RAB3C: variants seen among roughly 807,000 people sequenced by gnomAD.
RAB3C encodes ras-related protein Rab-3C.
RAB3C carries 17 observed loss-of-function variants against 26.4 expected under a neutral mutation model. The observed-to-expected ratio is 0.64, with a 90% CI of 0.44 to 0.97. RAB3C has a LOEUF of 0.97. Among genes scored for constraint, RAB3C ranks in the 50% least tolerant of loss-of-function variants. The pLI is 0.00. For missense variants in RAB3C, 242 were observed against 281.9 expected, an observed-to-expected ratio of 0.86 and a Z score of 1.01; for synonymous variants, 91 against 95.9, an observed-to-expected ratio of 0.95 and a Z score of 0.30.
chr5:58,715,108 C>T (rs1749141218), intron 2 of RAB3C, among the ~76,000 whole-genome samples: 1 of 151,878 alleles, frequency 6.6e-6, no homozygotes, highest in African/African-American at 2.4e-5. Context: ...TAACAAGTAC[C>T]AGAGATTCAA....
chr5:58,789,749 A>C (rs1307709921), intron 3 of RAB3C, among the ~76,000 whole-genome samples: 1 of 152,210 alleles, frequency 6.6e-6, no homozygotes, highest in Non-Finnish European at 1.5e-5. Context: ...GAAAAGGAAC[A>C]TACAAATAAA....
chr5:58,701,166 T>A (rs1170695554), intron 2 of RAB3C, among the ~76,000 whole-genome samples: 1 of 151,746 alleles, frequency 6.6e-6, no homozygotes, highest in East Asian at 1.9e-4. Flanking sequence ...CAGCTAATTT[T>A]TTGATTTTGT....
At chr5:58,791,654 A>G (rs1742524524) in intron 3 of RAB3C, among the ~76,000 whole-genome samples, 1 of 152,244 alleles carries the variant, frequency 6.6e-6, no homozygotes, top group Non-Finnish European at 1.5e-5. Flanking sequence ...TGGTGCTTAA[A>G]TAAAAATGTT....
At chr5:58,702,175 A>G (rs10053212) in intron 2 of RAB3C, among the ~76,000 whole-genome samples, 7,600 of 152,148 alleles carry the variant, frequency 0.05, 641 homozygotes, top group African/African-American at 0.17. Flanking sequence ...ATCTTCACAA[A>G]ATTTGGCACT....
chr5:58,584,296 A>G (rs1374470667), intron 1 of RAB3C, among the ~76,000 whole-genome samples: 1 of 152,230 alleles, frequency 6.6e-6, no homozygotes, highest in Non-Finnish European at 1.5e-5. Flanking sequence ...TGGGTTATGT[A>G]TATTAAGAAC....
intron 3 of RAB3C, among the ~76,000 whole-genome samples, chr5:58,776,427 A>G (rs1742143055): frequency 6.6e-6 from 1 of 152,000 alleles, no homozygotes; most frequent in Admixed American, 6.6e-5. Flanking sequence ...TTACTTTTTT[A>G]ACTTCAAATA....
intron 3 of RAB3C, among the ~76,000 whole-genome samples, chr5:58,777,512 C>A (rs984788414): frequency 1.4e-4 from 21 of 151,586 alleles, no homozygotes; most frequent in African/African-American, 5.1e-4. Flanking sequence ...AGCACTATAA[C>A]ATCTTGGCAC....
chr5:58,678,439 G>A lies in RAB3C; in HGVS notation c.253-47563G>A, dbSNP rs559772208. On this transcript the variant is annotated intron_variant, in intron 2 of 4. Transcript: ENST00000282878. ...ATGGAGTCTGCCTGACCATTGGTTA[G>A]TGTCAAGTGAAGCTATTTCATGGGA... Among the ~76,000 whole-genome samples, 7 of 152,252 alleles carry A rather than the reference G, an allele frequency of 4.6e-5. No homozygotes were observed. The East Asian group carries it at 1.4e-3, about 29-fold the overall frequency.
chr5:58,832,031 A>C (rs1449234389), intron 4 of RAB3C, among the ~76,000 whole-genome samples: 1 of 152,160 alleles, frequency 6.6e-6, no homozygotes, highest in Non-Finnish European at 1.5e-5. Flanking sequence ...TTACAGAAAA[A>C]ACAAGGGGCA....
At chr5:58,770,344 G>T (rs539399511) in intron 3 of RAB3C, among the ~76,000 whole-genome samples, 2 of 152,132 alleles carry the variant, frequency 1.3e-5, no homozygotes, top group East Asian at 3.9e-4. Context: ...CATTCTGGAC[G>T]ACTGACAAAA....
chr5:58,615,557 C>CA (rs1746805403), intron 1 of RAB3C, among the ~76,000 whole-genome samples: 1 of 152,060 alleles, frequency 6.6e-6, no homozygotes, highest in Admixed American at 6.6e-5. Context: ...AACTAGTGGT[C>CA]AAGAGTTGCA....
intron 1 of RAB3C, among the ~76,000 whole-genome samples, chr5:58,611,130 T>C (rs907446915): frequency 2.0e-5 from 3 of 152,192 alleles, no homozygotes; most frequent in Admixed American, 6.5e-5. Context: ...CAGTCTACCA[T>C]TGGTGGGCAT....
intron 1 of RAB3C, among the ~76,000 whole-genome samples, chr5:58,604,602 C>T (rs574245498): frequency 6.6e-6 from 1 of 152,284 alleles, no homozygotes; most frequent in South Asian, 2.1e-4. Context: ...CCGGTAGTCA[C>T]AGGCCTCACC....
At chr5:58,813,048 C>A (rs1278532660) in intron 3 of RAB3C, among the ~76,000 whole-genome samples, 1 of 152,106 alleles carries the variant, frequency 6.6e-6, no homozygotes, top group African/African-American at 2.4e-5. Flanking sequence ...TATTCCAGTT[C>A]TGTTATATGT....
At chr5:58,693,518 A>G (rs776554301) in intron 2 of RAB3C, among the ~76,000 whole-genome samples, 14 of 151,842 alleles carry the variant, frequency 9.2e-5, no homozygotes, top group Non-Finnish European at 1.8e-4. Context: ...CCCAAATGTA[A>G]CAAAACACTG....
At chr5:58,608,152 G>C (rs1015852501) in intron 1 of RAB3C, among the ~76,000 whole-genome samples, 5 of 152,118 alleles carry the variant, frequency 3.3e-5, no homozygotes, top group South Asian at 4.1e-4. Context: ...TGGATAAAGA[G>C]TCCAAACCCA....
chr5:58,830,087 T>C (rs1314255932), intron 4 of RAB3C, among the ~76,000 whole-genome samples: 2 of 152,196 alleles, frequency 1.3e-5, no homozygotes. Context: ...TAGTTACTTC[T>C]CTTTTTGGAA....
intron 4 of RAB3C, among the ~76,000 whole-genome samples, chr5:58,843,980 A>G (rs1183826116): frequency 6.6e-6 from 1 of 152,214 alleles, no homozygotes; most frequent in Non-Finnish European, 1.5e-5. Context: ...CAAAAGTTAA[A>G]AAAAACCTTT....
intron 1 of RAB3C, among the ~76,000 whole-genome samples, chr5:58,593,995 T>C (rs966809048): frequency 6.6e-6 from 1 of 152,124 alleles, no homozygotes; most frequent in Non-Finnish European, 1.5e-5. Flanking sequence ...GCCACTTAGC[T>C]CCTACAGTCT....
Sources: gnomAD v4.1 joint callset for allele counts (sites outside exome capture counted in the v4.1 genomes callset) on GRCh38, gnomAD v4.1.1 for gene constraint, MANE v1.5 for transcripts, NCBI Gene and HGNC (gene_info 2026-07-23, HGNC 2026-07-21) for gene names.